ZCCHC24: variants seen among roughly 807,000 people sequenced by gnomAD.
The protein encoded by ZCCHC24 is zinc finger CCHC-type containing 24.
In ZCCHC24, 10 loss-of-function variants were observed where a neutral mutation model predicts 26.2. The observed-to-expected ratio is 0.38, with a 90% confidence interval of 0.24 to 0.65. ZCCHC24 has a LOEUF of 0.65. Among genes scored for constraint, ZCCHC24 ranks in the 30% least tolerant of loss-of-function variants. The pLI is 0.54. For synonymous variants in ZCCHC24, 144 were observed against 147.1 expected (o/e 0.98, Z 0.15); for missense variants, 243 against 329.1 (o/e 0.74, Z 2.03).
intron 2 of ZCCHC24, among the ~76,000 whole-genome samples, chr10:79,429,969 C>T (rs1857103933): frequency 1.3e-5 from 2 of 152,138 alleles, no homozygotes; most frequent in South Asian, 4.1e-4. Flanking sequence ...CAGCCCAGCA[C>T]CTGCCCCTGG....
intron 2 of ZCCHC24, 108 bp from the exon 3 acceptor site, chr10:79,394,548 T>G: frequency 6.7e-7 from 1 of 1,498,122 alleles, no homozygotes; most frequent in South Asian, 1.3e-5. Context: ...TGTCCATGTG[T>G]GCAGGCACCT....
At chr10:79,429,156 G>A (rs1376646999) in intron 2 of ZCCHC24, among the ~76,000 whole-genome samples, 1 of 152,206 alleles carries the variant, frequency 6.6e-6, no homozygotes, top group African/African-American at 2.4e-5. Flanking sequence ...AAAATATTAT[G>A]CTAAGTGAAA....
chr10:79,428,439 T>TTTTGCAAGATAAATTTCAGC (rs1857072338), intron 2 of ZCCHC24, among the ~76,000 whole-genome samples: 1 of 54,256 alleles, frequency 1.8e-5, no homozygotes, highest in Non-Finnish European at 3.8e-5. Flanking sequence ...TAAATTTCAG[T>TTTTGCAAGATAAATTTCAGC]TTTGCAAGAT....
intron 2 of ZCCHC24, 40 bp downstream of exon 2, chr10:79,432,518 G>A: frequency 6.3e-7 from 1 of 1,579,948 alleles, no homozygotes; most frequent in South Asian, 1.1e-5. Context: ...CAGGTCAGTA[G>A]GGGAGCCCAA....
rs116541125 is a variant in ZCCHC24, at chr10:79,393,668, C to T, written c.612+608G>A. ...CTCTGTGACTGCCCCATCTAGCCCT[C>T]TACCCCAAGCCTCTTGCTGCCCTCT... On this transcript the variant is annotated intron_variant, in intron 3 of 3. Coordinates refer to ENST00000372336, the MANE Select transcript of ZCCHC24 (RefSeq NM_153367.4). Among the ~76,000 whole-genome samples the T allele has an allele frequency of 2.6e-3, 390 of 152,362 alleles. 2 individuals carry two copies. Among genetic ancestry groups the T allele is most frequent in the African/African-American group, 8.2e-3 (340 of 41,586 alleles).
Position 79,417,185 on chromosome 10 carries a change from C to T in ZCCHC24, c.447+15373G>A, listed in dbSNP as rs890274772. On this transcript the variant is annotated intron_variant, in intron 2 of 3. Coordinates refer to ENST00000372336, the MANE Select transcript of ZCCHC24 (RefSeq NM_153367.4). ...AGGGAGGACTGATGCATGGGGAGGG[C>T]TCAGAGGGCCTGCGGGAGGGAGGGG... 2.2e-5 allele frequency among the ~76,000 whole-genome samples: 3 copies of T among 138,020 alleles called. No individual in the cohort carries two copies. The Admixed American group carries it at 2.2e-4, about 10-fold the overall frequency. 90.5% of individuals were successfully genotyped at this position (138,020 alleles called of 152,430 possible). A position where few individuals can be genotyped will look rare whatever the true frequency, so the allele number is the denominator to read the frequency against.
chr10:79,394,214 C>G, intron 3 of ZCCHC24, 62 bp downstream of exon 3: 1 of 1,569,642 alleles, frequency 6.4e-7, no homozygotes, highest in Non-Finnish European at 8.6e-7. Flanking sequence ...AACTGAGGTC[C>G]GGTAAGGGAA....
At chr10:79,387,960 C>G (rs920541409) in intron 3 of ZCCHC24, among the ~76,000 whole-genome samples, 1 of 152,142 alleles carries the variant, frequency 6.6e-6, no homozygotes, top group Non-Finnish European at 1.5e-5. Flanking sequence ...AAGACAGGCA[C>G]GTCAACCACA....
At chr10:79,411,089 T>C (rs1222819938) in intron 2 of ZCCHC24, among the ~76,000 whole-genome samples, 3 of 152,118 alleles carry the variant, frequency 2.0e-5, no homozygotes, top group Admixed American at 2.0e-4. Flanking sequence ...TGGCCGTCAC[T>C]GGACAGCAGG....
chr10:79,444,006 C>T, intron 1 of ZCCHC24: 1 of 1,391,390 alleles, frequency 7.2e-7, no homozygotes, highest in South Asian at 1.6e-5. Context: ...AACTCAAGGG[C>T]GACCCTCTGC....
chr10:79,423,587 A>ATATTT (rs1856980902), intron 2 of ZCCHC24, among the ~76,000 whole-genome samples: 1 of 112,790 alleles, frequency 8.9e-6, no homozygotes, highest in Non-Finnish European at 1.8e-5. Flanking sequence ...TATACTATAT[A>ATATTT]TATATATATA....
intron 2 of ZCCHC24, among the ~76,000 whole-genome samples, chr10:79,402,427 C>T (rs895869401): frequency 1.3e-5 from 2 of 152,192 alleles, no homozygotes; most frequent in African/African-American, 4.8e-5. Flanking sequence ...AGGTGCCCGC[C>T]ACCACGCCCG....
At chr10:79,427,041 C>T (rs1857037527) in intron 2 of ZCCHC24, among the ~76,000 whole-genome samples, 1 of 151,352 alleles carries the variant, frequency 6.6e-6, no homozygotes. Context: ...GCTAGGTATA[C>T]TAATATCAGA....
chr10:79,423,612 T>TTATATATATATATATATATTA (rs1216331316), intron 2 of ZCCHC24, among the ~76,000 whole-genome samples: 1 of 141,722 alleles, frequency 7.1e-6, no homozygotes, highest in African/African-American at 2.7e-5. Context: ...TATATATATT[T>TTATATATATATATATATATTA]TCTGACTGCA....
intron 3 of ZCCHC24, among the ~76,000 whole-genome samples, chr10:79,389,529 A>AGTGTGTGT (rs5786399): frequency 0.017 from 2,479 of 146,306 alleles, 26 homozygotes; most frequent in African/African-American, 0.021. Context: ...ACTTTTTCCT[A>AGTGTGTGT]GTGTGTGTGT....
In ZCCHC24 at chr10:79,384,506, C is replaced by G. The variant is rs202162509; in HGVS notation, c.*1839G>C. The G allele has an allele frequency of 6.6e-6, 1 of 152,414 alleles. No homozygotes were observed. The highest frequency in any genetic ancestry group is 6.5e-5 in the Admixed American group (1 of 15,280). The allele number at this position is 152,414 out of a possible 1,614,324, so 9.4% of individuals were successfully genotyped here. ...ACACCTTGGAGAAGACGGGGAACAA[C>G]GTGCTCGGGGAGTCCTCAGTGGCAG... On this transcript the variant is annotated 3_prime_UTR_variant, in exon 4 of 4. Transcript: ENST00000372336.
intron 2 of ZCCHC24, among the ~76,000 whole-genome samples, chr10:79,396,998 G>A (rs6480936): frequency 0.29 from 44,718 of 152,152 alleles, 7,298 homozygotes; most frequent in African/African-American, 0.42. Flanking sequence ...ATTTATTAAT[G>A]TAGAACAAAA....
chr10:79,412,182 C>T (rs1006011813), intron 2 of ZCCHC24, among the ~76,000 whole-genome samples: 3 of 152,222 alleles, frequency 2.0e-5, no homozygotes, highest in East Asian at 1.9e-4. Context: ...AGGGAGCGAG[C>T]GGAACGCACC....
intron 2 of ZCCHC24, among the ~76,000 whole-genome samples, chr10:79,395,111 A>G (rs1856528234): frequency 6.6e-6 from 1 of 152,128 alleles, no homozygotes; most frequent in African/African-American, 2.4e-5. Context: ...GTCTCGATAT[A>G]TTGGCCAGGC....
Sources: allele counts gnomAD v4.1 joint callset (sites outside exome capture counted in the v4.1 genomes callset), GRCh38; gene constraint gnomAD v4.1.1; transcripts MANE v1.5; gene names NCBI Gene and HGNC (gene_info 2026-07-23, HGNC 2026-07-21).